Variants in SAXO4 observed in about 807,000 individuals in gnomAD.
The protein encoded by SAXO4 is protein phosphatase 1 regulatory subunit 32.
At chr11:61,482,425 G>A in the SAXO4 span, 2 of 1,613,376 alleles carry the variant, frequency 1.2e-6, no homozygotes, top group African/African-American at 2.7e-5. Context: ...AACCCGGCCA[G>A]GGGGTACGGT....
At chr11:61,489,397 C>A in the SAXO4 span, 1 of 482,484 alleles carries the variant, frequency 2.1e-6, no homozygotes, top group Non-Finnish European at 3.7e-6. Flanking sequence ...GTGGGACCCC[C>A]TTCTTACTTG....
the SAXO4 span, chr11:61,486,574 C>G: frequency 6.2e-7 from 1 of 1,614,182 alleles, no homozygotes; most frequent in South Asian, 1.1e-5. Context: ...GGGAAACAGC[C>G]TTCAGCCGAG....
chr11:61,489,776 C>T, the SAXO4 span: 1 of 1,614,038 alleles, frequency 6.2e-7, no homozygotes, highest in Non-Finnish European at 8.5e-7. Context: ...CCCTCCTCTC[C>T]TCCAGGTACT....
chr11:61,482,168 C>A, the SAXO4 span: 2 of 726,568 alleles, frequency 2.8e-6, no homozygotes, highest in Non-Finnish European at 4.7e-6. Flanking sequence ...CCTGAAAGGG[C>A]AGGCTTGCAA....
At chr11:61,483,164 C>CTTTTTTTTTT in the SAXO4 span, among the ~76,000 whole-genome samples, 31 of 119,356 alleles carry the variant, frequency 2.6e-4, no homozygotes, top group Non-Finnish European at 3.5e-4. Flanking sequence ...ATTTCTTTTT[C>CTTTTTTTTTT]TTTTTTTTTT....
At chr11:61,485,288 C>T in the SAXO4 span, 9 of 1,552,642 alleles carry the variant, frequency 5.8e-6, no homozygotes, top group African/African-American at 2.7e-5. Flanking sequence ...CACACGCCTT[C>T]GGGGCCCTGG....
chr11:61,485,256 C>A, the SAXO4 span: 2 of 1,236,300 alleles, frequency 1.6e-6, no homozygotes, highest in South Asian at 1.3e-5. Context: ...CACAGAGAAC[C>A]GAGGCGCCAC....
the SAXO4 span, chr11:61,490,579 C>T: frequency 6.2e-7 from 1 of 1,613,250 alleles, no homozygotes; most frequent in Non-Finnish European, 8.5e-7. Context: ...GAGCCCTGAG[C>T]CCTTGGTAAG....
the SAXO4 span, chr11:61,486,286 C>T: frequency 8.2e-6 from 13 of 1,590,008 alleles, no homozygotes; most frequent in Non-Finnish European, 1.1e-5. Flanking sequence ...TGGGTGGGAG[C>T]CACCAGGGGC....
the SAXO4 span, among the ~76,000 whole-genome samples, chr11:61,487,478 G>T: frequency 6.6e-6 from 1 of 152,170 alleles, no homozygotes; most frequent in South Asian, 2.1e-4. Flanking sequence ...CATGTTACTA[G>T]GCCAGCTATC....
At chr11:61,482,220 C>A in the SAXO4 span, 1 of 1,153,396 alleles carries the variant, frequency 8.7e-7, no homozygotes, top group Non-Finnish European at 1.3e-6. Flanking sequence ...GTCACTGTGA[C>A]CCCTGTGCCC....
chr11:61,489,829 G>T, the SAXO4 span: 42 of 1,613,700 alleles, frequency 2.6e-5, no homozygotes, highest in South Asian at 4.2e-4. Flanking sequence ...GGCTGGACTC[G>T]AGGTGGCATC....
At chr11:61,489,909 A>G in the SAXO4 span, 1 of 1,613,218 alleles carries the variant, frequency 6.2e-7, no homozygotes, top group Non-Finnish European at 8.5e-7. Context: ...CCCCAACCCC[A>G]TGGAGAGCCT....
At chr11:61,490,796 T>C in the SAXO4 span, 1 of 587,800 alleles carries the variant, frequency 1.7e-6, no homozygotes, top group Non-Finnish European at 3.0e-6. Flanking sequence ...AGGCCTCGCC[T>C]CTGCTTCTCC....
At chr11:61,484,582 C>T in the SAXO4 span, 10 of 1,439,466 alleles carry the variant, frequency 6.9e-6, no homozygotes, top group African/African-American at 1.4e-5. Context: ...AAAGGACCCC[C>T]TCTGGCTGCT....
At chr11:61,485,966 C>T in the SAXO4 span, 2 of 1,248,308 alleles carry the variant, frequency 1.6e-6, no homozygotes, top group African/African-American at 1.5e-5. Context: ...CCTCCAGTCT[C>T]AGGGTTTCTA....
At chr11:61,486,483 C>G in the SAXO4 span, 2 of 1,612,248 alleles carry the variant, frequency 1.2e-6, no homozygotes, top group East Asian at 2.2e-5. Flanking sequence ...GTGGGGGAGG[C>G]AGCCACATCC....
chr11:61,490,640 TG>T, the SAXO4 span: 2 of 1,476,008 alleles, frequency 1.4e-6, no homozygotes, highest in South Asian at 2.3e-5. Flanking sequence ...GCAACCGTTA[TG>T]GGCCAGCCCT....
At chr11:61,482,513 C>T in the SAXO4 span, 2 of 1,558,940 alleles carry the variant, frequency 1.3e-6, no homozygotes, top group Non-Finnish European at 8.8e-7. Context: ...CTGAGCTTTG[C>T]CTGCCCTAGG....
Sources: gnomAD v4.1 joint callset for allele counts (sites outside exome capture counted in the v4.1 genomes callset) on GRCh38, gnomAD v4.1.1 for gene constraint, MANE v1.5 for transcripts, NCBI Gene and HGNC (gene_info 2026-07-23, HGNC 2026-07-21) for gene names.